The following TLL1 variants were observed in gnomAD, a reference collection of about 807,000 sequenced individuals.
TLL1 encodes tolloid like 1.
In TLL1, 49 loss-of-function variants were observed where a neutral mutation model predicts 128.2. That is an observed-to-expected ratio of 0.38 (90% CI 0.30 to 0.48). The LOEUF (loss-of-function observed/expected upper bound fraction) is 0.48. Ranked by LOEUF, TLL1 falls within the 20% of genes least tolerant of loss-of-function variation. The pLI is 0.96. For missense variants in TLL1, 1,123 were observed against 1,242.0 expected, an observed-to-expected ratio of 0.90 and a Z score of 1.44; for synonymous variants, 454 against 418.8, an observed-to-expected ratio of 1.08 and a Z score of -1.03.
chr4:165,880,077 T>C (rs1469972719), intron 1 of TLL1, among the ~76,000 whole-genome samples: 1 of 152,142 alleles, frequency 6.6e-6, no homozygotes, highest in African/African-American at 2.4e-5. Flanking sequence ...ACTTAAAAAA[T>C]ATATAACCTC....
intron 1 of TLL1, among the ~76,000 whole-genome samples, chr4:165,942,133 AT>A (rs960255791): frequency 6.6e-6 from 1 of 151,986 alleles, no homozygotes; most frequent in Non-Finnish European, 1.5e-5. Context: ...TTGCTGATAT[AT>A]TTTTATTTTT....
chr4:166,087,494 C>A (rs540706388), intron 18 of TLL1, among the ~76,000 whole-genome samples: 50 of 152,172 alleles, frequency 3.3e-4, no homozygotes, highest in African/African-American at 1.2e-3. Context: ...CCAGCTTTTA[C>A]CAAAAACAGG....
chr4:165,990,989 G>A (rs1736612724), intron 2 of TLL1, among the ~76,000 whole-genome samples: 1 of 151,910 alleles, frequency 6.6e-6, no homozygotes. Context: ...CACTGTCATG[G>A]AGACAACGCA....
intron 19 of TLL1, among the ~76,000 whole-genome samples, chr4:166,098,773 G>A (rs1742145011): frequency 6.6e-6 from 1 of 152,000 alleles, no homozygotes; most frequent in Non-Finnish European, 1.5e-5. Flanking sequence ...TGAATTTTAA[G>A]TTACTTCTTA....
chr4:166,061,430 A>G (rs1423481570), intron 15 of TLL1, among the ~76,000 whole-genome samples: 1 of 151,756 alleles, frequency 6.6e-6, no homozygotes, highest in Non-Finnish European at 1.5e-5. Flanking sequence ...CATTTAGTAG[A>G]GACGGGGTTT....
chr4:165,959,924 A>G (rs921859268), intron 1 of TLL1, among the ~76,000 whole-genome samples: 2 of 152,218 alleles, frequency 1.3e-5, no homozygotes, highest in African/African-American at 4.8e-5. Flanking sequence ...ATATCACACC[A>G]AAGGAACTAA....
intron 1 of TLL1, among the ~76,000 whole-genome samples, chr4:165,949,218 A>T: frequency 6.6e-6 from 1 of 152,216 alleles, no homozygotes; most frequent in Admixed American, 6.5e-5. Context: ...AGATTTGAGG[A>T]ATGTTCCCAA....
intron 1 of TLL1, among the ~76,000 whole-genome samples, chr4:165,930,847 A>G (rs1439878219): frequency 3.3e-5 from 5 of 152,238 alleles, no homozygotes; most frequent in Admixed American, 1.3e-4. Context: ...CTTGTAATTT[A>G]TAAGCACTCC....
chr4:166,024,981 G>A (rs571199703), intron 8 of TLL1, among the ~76,000 whole-genome samples: 1 of 152,192 alleles, frequency 6.6e-6, no homozygotes, highest in South Asian at 2.1e-4. Flanking sequence ...TATCGTCCAG[G>A]TATCACTGGC....
At chr4:165,992,511 G>T (rs914557023) in intron 2 of TLL1, among the ~76,000 whole-genome samples, 3 of 151,984 alleles carry the variant, frequency 2.0e-5, no homozygotes, top group Admixed American at 6.6e-5. Context: ...TGATGTCAAG[G>T]TCACAGTAAA....
intron 1 of TLL1, among the ~76,000 whole-genome samples, chr4:165,878,375 T>C (rs1378502086): frequency 6.6e-6 from 1 of 152,130 alleles, no homozygotes; most frequent in Non-Finnish European, 1.5e-5. Context: ...ATTTTTTTTT[T>C]TCTCTTCTTG....
intron 1 of TLL1, among the ~76,000 whole-genome samples, chr4:165,933,562 A>G (rs1579505956): frequency 6.6e-6 from 1 of 152,098 alleles, no homozygotes; most frequent in South Asian, 2.1e-4. Flanking sequence ...CATCCTTGGA[A>G]ATTTTATCCA....
In TLL1 at chr4:166,091,116, T is replaced by G. The variant is rs1482206150; in HGVS notation, c.2443-12T>G. ...TTTTTTTTAAAAAAATTATTTCTTC[T>G]TTTTAAAAAAGGCCTTTAGTGAATT... On this transcript the variant is annotated splice_polypyrimidine_tract_variant and intron_variant, in intron 18 of 20. Transcript: ENST00000061240. 8 of 1,606,498 alleles carry G rather than the reference T, an allele frequency of 5.0e-6. No individual in the cohort carries two copies. Among genetic ancestry groups the G allele is most frequent in the Non-Finnish European group, 6.8e-6 (8 of 1,176,232 alleles).
At position 166,032,955 on chromosome 4, in the gene TLL1, A is replaced by C. The variant is rs534932462; in HGVS notation, c.1159-6384A>C. On this transcript the variant is annotated intron_variant, in intron 9 of 20. Coordinates refer to ENST00000061240, the MANE Select transcript of TLL1 (RefSeq NM_012464.5). ...AAAGTAGAAAATTTAGTGAAGTATC[A>C]ATGCAAGTAGATATTCAATGAATAT... 5.3e-3 allele frequency among the ~76,000 whole-genome samples: 810 copies of C among 152,252 alleles called. 6 individuals are homozygous for C. Among genetic ancestry groups the C allele is most frequent in the African/African-American group, 0.019 (779 of 41,570 alleles).
In TLL1 at chr4:165,939,301, A is replaced by G. The variant is rs890514180; in HGVS notation, c.170-50080A>G. 5.3e-5 allele frequency among the ~76,000 whole-genome samples: 8 copies of G among 152,098 alleles called. 1 individual carries two copies. Among genetic ancestry groups the G allele is most frequent in the African/African-American group, 1.9e-4 (8 of 41,452 alleles). ...CCAATCTTCTTGATATGGGGCAGGA[A>G]AAGGGGGCTTTGAATCTTACTAATG... On this transcript the variant is annotated intron_variant, in intron 1 of 20. Coordinates refer to ENST00000061240, the MANE Select transcript of TLL1 (RefSeq NM_012464.5).
intron 1 of TLL1, among the ~76,000 whole-genome samples, chr4:165,879,577 T>C (rs1463619661): frequency 6.6e-6 from 1 of 152,162 alleles, no homozygotes; most frequent in African/African-American, 2.4e-5. Context: ...TTTTAGAATA[T>C]TACTTATTCT....
chr4:166,039,468 G>A (rs761953396), intron 10 of TLL1, 27 bp downstream of exon 10: 1 of 1,537,686 alleles, frequency 6.5e-7, no homozygotes, highest in Admixed American at 1.7e-5. Flanking sequence ...CTTTTATGTG[G>A]CTATGTATCT....
At chr4:165,989,705 A>G (rs919666376) in intron 2 of TLL1, among the ~76,000 whole-genome samples, 4 of 150,042 alleles carry the variant, frequency 2.7e-5, no homozygotes, top group African/African-American at 4.9e-5. Flanking sequence ...TATTTGCTAC[A>G]TACTAGGTCT....
At chr4:165,904,995 C>A (rs924164711) in intron 1 of TLL1, among the ~76,000 whole-genome samples, 1 of 152,160 alleles carries the variant, frequency 6.6e-6, no homozygotes, top group African/African-American at 2.4e-5. Flanking sequence ...CTCAGATAGA[C>A]AGACCATTAG....
Sources: allele counts gnomAD v4.1 joint callset (sites outside exome capture counted in the v4.1 genomes callset), GRCh38; gene constraint gnomAD v4.1.1; transcripts MANE v1.5; gene names NCBI Gene and HGNC (gene_info 2026-07-23, HGNC 2026-07-21).